The following CMYA5 variants were observed in gnomAD, a reference collection of about 807,000 sequenced individuals.
The protein encoded by CMYA5 is cardiomyopathy associated 5.
A neutral mutation model predicts 318.9 loss-of-function variants in CMYA5; 246 were observed. That is an observed-to-expected ratio of 0.77 (90% confidence interval 0.70 to 0.86). The LOEUF is 0.86. Among genes scored for constraint, CMYA5 ranks in the 40% least tolerant of loss-of-function variants. The pLI is 0.00. For missense variants in CMYA5, 4,589 were observed against 4,678.2 expected (o/e 0.98, Z 0.56); for synonymous variants, 1,641 against 1,729.5 (o/e 0.95, Z 1.27).
At chr5:79,785,033 T>C (rs999956916) in intron 9 of CMYA5, among the ~76,000 whole-genome samples, 7 of 152,032 alleles carry the variant, frequency 4.6e-5, no homozygotes, top group Non-Finnish European at 8.8e-5. Flanking sequence ...TTTTTTTTTT[T>C]AGTATGGCTA....
At chr5:79,705,163 T>A (rs1232909839) in intron 1 of CMYA5, among the ~76,000 whole-genome samples, 2 of 152,140 alleles carry the variant, frequency 1.3e-5, no homozygotes, top group Non-Finnish European at 2.9e-5. Context: ...TCCCAGCTAC[T>A]CAGGAGGCTG....
At chr5:79,764,943 G>T (rs1199699508) in intron 9 of CMYA5, among the ~76,000 whole-genome samples, 2 of 152,100 alleles carry the variant, frequency 1.3e-5, no homozygotes, top group African/African-American at 4.8e-5. Context: ...TAGGTTGCCT[G>T]TTCACTCTGA....
intron 8 of CMYA5, chr5:79,762,487 G>A (rs77554290): frequency 6.5e-6 from 1 of 153,438 alleles, no homozygotes; most frequent in African/African-American, 2.4e-5. Flanking sequence ...GTGTTTGCAA[G>A]GTAAGAAGCT....
intron 1 of CMYA5, among the ~76,000 whole-genome samples, chr5:79,713,195 T>C (rs1283427669): frequency 2.6e-5 from 4 of 152,118 alleles, no homozygotes; most frequent in African/African-American, 9.7e-5. Flanking sequence ...TTTTTTATTG[T>C]CACAACCTGG....
chr5:79,732,593 T>G lies in CMYA5; in HGVS notation c.3828T>G (p.Pro1276=). ...AGAGAAAGTTGTCCAAGAATGAGCC[T>G]GAAGTAATAAAACCATATTCACCTC... ...LEQRKLSKNE[P]EVIKPYSPLK... Residue 1276 remains proline, a synonymous_variant, in exon 2 of 13, where the codon CCT becomes CCG. Transcript: ENST00000446378. 1 of 1,613,104 alleles carries G rather than the reference T, an allele frequency of 6.2e-7. No homozygotes were observed. The highest frequency in any genetic ancestry group is 8.5e-7 in the Non-Finnish European group (1 of 1,179,568).
At chr5:79,787,701 G>A (rs1331978211) in intron 9 of CMYA5, among the ~76,000 whole-genome samples, 2 of 152,166 alleles carry the variant, frequency 1.3e-5, no homozygotes, top group East Asian at 3.9e-4. Flanking sequence ...ACACAAGCAG[G>A]TCCAGGGTGT....
At chr5:79,784,654 A>G (rs558817549) in intron 9 of CMYA5, among the ~76,000 whole-genome samples, 1 of 105,506 alleles carries the variant, frequency 9.5e-6, no homozygotes, top group African/African-American at 4.0e-5. Flanking sequence ...GAAAAGCGCA[A>G]TATTCGGGTG....
chr5:79,769,853 T>C (rs1486723644), intron 9 of CMYA5, among the ~76,000 whole-genome samples: 3 of 152,312 alleles, frequency 2.0e-5, no homozygotes, highest in South Asian at 4.1e-4. Context: ...TGCTGCTCTC[T>C]TCAGAGCTGG....
Position 79,737,889 on chromosome 5 carries a change from A to T in CMYA5, c.9124A>T (p.Ile3042Phe). The change falls in exon 2 of 13, where the codon ATT becomes TTT. Residue 3042 changes from isoleucine to phenylalanine, a missense_variant. Physicochemically the swap from Ile to Phe is conservative, Grantham distance 21 (BLOSUM62 0). This residue lies in a region of CMYA5 where 2,431 missense variants were observed against 2,495.1 expected (regional missense o/e 0.97). Transcript: ENST00000446378. ...AGATTCAGAAACTGATTTATCATTT[A>T]TTCAGCCCACAATTCCCAGTGAAGA... ...STDSETDLSF[I>F]QPTIPSEEDY... The T allele has an allele frequency of 6.2e-7, 1 of 1,603,428 alleles. No homozygotes were observed. The highest frequency in any genetic ancestry group is 8.5e-7 in the Non-Finnish European group (1 of 1,177,358).
intron 6 of CMYA5, among the ~76,000 whole-genome samples, chr5:79,756,543 A>C (rs1828533667): frequency 6.6e-6 from 1 of 152,220 alleles, no homozygotes; most frequent in East Asian, 1.9e-4. Context: ...TGAGGCTGAG[A>C]TAACAGAGGG....
intron 1 of CMYA5, among the ~76,000 whole-genome samples, chr5:79,698,398 G>A (rs1827114355): frequency 6.6e-6 from 1 of 152,050 alleles, no homozygotes; most frequent in Non-Finnish European, 1.5e-5. Flanking sequence ...GTGACGTGGG[G>A]CAGGATACTT....
At position 79,714,597 on chromosome 5, in the gene CMYA5, C is replaced by T. The variant is rs111585521; in HGVS notation, c.150-14318C>T. Among the ~76,000 whole-genome samples, 1,183 of 151,964 alleles carry T rather than the reference C, an allele frequency of 7.8e-3. 25 individuals are homozygous for T. The highest frequency in any genetic ancestry group is 0.028 in the African/African-American group (1,149 of 41,432). On this transcript the variant is annotated intron_variant, in intron 1 of 12. Transcript: ENST00000446378. ...GGACTGTAGGCATGTGCCACCATGC[C>T]TTGCTGGTTTTTAGAATTTTTTTGT...
At position 79,732,423 on chromosome 5, in the gene CMYA5, G is replaced by T; in HGVS notation, c.3658G>T (p.Val1220Leu). The change falls in exon 2 of 13, where the codon GTA becomes TTA. Residue 1220 changes from valine to leucine, a missense_variant. Coordinates refer to ENST00000446378, the MANE Select transcript of CMYA5 (RefSeq NM_153610.5). ...TGATTCTCAAGAAGCTACAGCACAT[G>T]TATCACAGGATCAAAAAATGGAGCC... is the stretch of plus-strand genomic sequence containing the variant. Reference protein sequence around the residue: ...VPDSQEATAHVSQDQKMEPQP... With the variant: ...VPDSQEATAHLSQDQKMEPQP... 6.2e-7 allele frequency: 1 copy of T among 1,613,680 alleles called. No homozygotes were observed. Among genetic ancestry groups the T allele is most frequent in the Non-Finnish European group, 8.5e-7 (1 of 1,179,774 alleles).
chr5:79,771,464 A>G (rs1828855140), intron 9 of CMYA5, among the ~76,000 whole-genome samples: 1 of 152,200 alleles, frequency 6.6e-6, no homozygotes, highest in African/African-American at 2.4e-5. Context: ...GAAATGACTC[A>G]TTCCCTTAAT....
rs1215120642 is a variant in CMYA5 at position 79,689,915 on chromosome 5, G to A, written c.8G>A (p.Ser3Asn). 2.4e-6 allele frequency: 2 copies of A among 848,558 alleles called. No homozygotes were observed. Among genetic ancestry groups the A allele is most frequent in the Non-Finnish European group, 3.9e-6 (2 of 513,520 alleles). The allele number at this position is 848,558 out of a possible 1,614,324, so 52.6% of individuals were successfully genotyped here. The change falls in exon 1 of 13, where the codon AGC becomes AAC. Residue 3 changes from serine to asparagine, a missense_variant. Ser to Asn is a conservative substitution (Grantham distance 46). Transcript: ENST00000446378. ...CCAGGCCCGGGAGAGGCGATGGCGA[G>A]CCGCGATAGCAACCACGCTGGCGAG... MA[S>N]RDSNHAGESF... is the part of the protein sequence containing the mutation.
intron 1 of CMYA5, among the ~76,000 whole-genome samples, chr5:79,725,193 G>C (rs1827720836): frequency 6.6e-6 from 1 of 152,124 alleles, no homozygotes. Context: ...CTTCACAATA[G>C]CAAAGACATG....
intron 1 of CMYA5, among the ~76,000 whole-genome samples, chr5:79,727,815 G>A (rs1483622927): frequency 6.6e-6 from 1 of 152,110 alleles, no homozygotes. Flanking sequence ...CTAAGATGGG[G>A]GCCCAATAGC....
At chr5:79,775,207 C>T (rs577510558) in intron 9 of CMYA5, among the ~76,000 whole-genome samples, 3 of 152,310 alleles carry the variant, frequency 2.0e-5, no homozygotes, top group South Asian at 2.1e-4. Flanking sequence ...CCAGTGTCTT[C>T]GCGTTTGGCT....
intron 11 of CMYA5, among the ~76,000 whole-genome samples, chr5:79,791,404 A>T (rs1580809427): frequency 6.6e-6 from 1 of 152,148 alleles, no homozygotes; most frequent in East Asian, 1.9e-4. Context: ...AGCAAACCAG[A>T]TATTTTATCA....
Sources: allele counts gnomAD v4.1 joint callset (sites outside exome capture counted in the v4.1 genomes callset), GRCh38; gene constraint gnomAD v4.1.1; regional missense constraint gnomAD v4.1.1; transcripts MANE v1.5; gene names NCBI Gene and HGNC (gene_info 2026-07-23, HGNC 2026-07-21).